The following ZNF600 variants were observed in gnomAD, a reference collection of about 807,000 sequenced individuals.
ZNF600 encodes zinc finger protein 600.
In ZNF600, 4 loss-of-function variants were observed where a neutral mutation model predicts 7.3. The ratio of observed to expected loss-of-function variants is 0.55; its 90% confidence interval spans 0.27 to 1.25. The LOEUF (loss-of-function observed/expected upper bound fraction) is 1.25, where lower values mean the gene tolerates loss of function less well. Among genes scored for constraint, ZNF600 ranks in the 50% most tolerant of loss-of-function variants. ZNF600 has a pLI of 0.12. For missense variants in ZNF600, 911 were observed against 922.1 expected (o/e 0.99, Z 0.16); for synonymous variants, 290 against 308.9 (o/e 0.94, Z 0.64).
chr19:52,775,768 A>G (rs946097512), intron 2 of ZNF600, among the ~76,000 whole-genome samples: 8 of 152,060 alleles, frequency 5.3e-5, no homozygotes, highest in African/African-American at 1.9e-4. Flanking sequence ...CAGTACTTTG[A>G]GAGGTCGAGG....
exon 2 of ZNF600, chr19:52,778,866 T>C: frequency 6.2e-7 from 1 of 1,607,196 alleles, no homozygotes; most frequent in Non-Finnish European, 8.5e-7. Context: ...TTTCCTCTTC[T>C]GAGCTGCTTC....
chr19:52,793,767 CACA>C, the ZNF600 span, among the ~76,000 whole-genome samples: 224 of 1,966 alleles, frequency 0.11, no homozygotes, highest in Admixed American at 0.25. Flanking sequence ...AACTCTGCCA[CACA>C]CACACACACA....
the ZNF600 span, chr19:52,800,332 G>A: frequency 3.1e-5 from 50 of 1,612,288 alleles, no homozygotes; most frequent in Middle Eastern, 1.6e-4. Context: ...GAATCACTCC[G>A]GAAAGCCTTG....
chr19:52,812,026 C>T, the ZNF600 span, among the ~76,000 whole-genome samples: 1 of 48,078 alleles, frequency 2.1e-5, no homozygotes. Context: ...GGGGGGACAG[C>T]CCCCCGCCCG....
chr19:52,777,033 A>G (rs1380150008), intron 2 of ZNF600, among the ~76,000 whole-genome samples: 1 of 152,090 alleles, frequency 6.6e-6, no homozygotes, highest in Non-Finnish European at 1.5e-5. Context: ...GTAAGAAAGC[A>G]TCCTGTACCA....
At chr19:52,811,041 C>T in the ZNF600 span, among the ~76,000 whole-genome samples, 1,293 of 149,258 alleles carry the variant, frequency 8.7e-3, 28 homozygotes, top group African/African-American at 0.03. Context: ...AGGCACGCGC[C>T]GCCACGCCTG....
At chr19:52,772,917 C>T (rs929718207) in intron 3 of ZNF600, among the ~76,000 whole-genome samples, 37 of 152,222 alleles carry the variant, frequency 2.4e-4, no homozygotes, top group African/African-American at 8.9e-4. Flanking sequence ...GGTTCTGAAG[C>T]CATCCCTCAT....
At chr19:52,819,116 GAA>G in the ZNF600 span, among the ~76,000 whole-genome samples, 1 of 139,496 alleles carries the variant, frequency 7.2e-6, no homozygotes, top group Non-Finnish European at 1.5e-5. Flanking sequence ...TTTGATGTTT[GAA>G]AAAAGAGAAA....
At chr19:52,825,213 C>T in the ZNF600 span, among the ~76,000 whole-genome samples, 1 of 152,154 alleles carries the variant, frequency 6.6e-6, no homozygotes, top group African/African-American at 2.4e-5. Flanking sequence ...AGTCAGCACA[C>T]TCACAGGCAG....
intron 3 of ZNF600, among the ~76,000 whole-genome samples, chr19:52,772,717 C>T (rs572973720): frequency 1.5e-4 from 23 of 152,228 alleles, no homozygotes; most frequent in African/African-American, 4.3e-4. Context: ...TTTGCACGTA[C>T]GGTAAGTGAG....
the ZNF600 span, chr19:52,800,176 C>A: frequency 6.2e-7 from 1 of 1,613,452 alleles, no homozygotes; most frequent in Admixed American, 1.7e-5. Flanking sequence ...AAAACTTTCT[C>A]ACATTCTTCA....
chr19:52,794,113 G>A, the ZNF600 span, among the ~76,000 whole-genome samples: 1 of 151,894 alleles, frequency 6.6e-6, no homozygotes, highest in Non-Finnish European at 1.5e-5. Context: ...AGAGCTCAGT[G>A]GAGAGGCCTG....
the ZNF600 span, among the ~76,000 whole-genome samples, chr19:52,824,368 C>T: frequency 6.6e-6 from 1 of 152,090 alleles, no homozygotes. Context: ...GTCGCGGTGG[C>T]TCATGCCTGC....
exon 4 of ZNF600, chr19:52,766,095 T>C: frequency 6.2e-7 from 1 of 1,614,186 alleles, no homozygotes; most frequent in Non-Finnish European, 8.5e-7. Flanking sequence ...ATTACACTTG[T>C]AAGGTTTCTC....
At chr19:52,809,846 T>C in the ZNF600 span, 330 of 491,072 alleles carry the variant, frequency 6.7e-4, no homozygotes, top group Non-Finnish European at 1.0e-3. Context: ...GCGGTGGCGG[T>C]GGTGGCAGTA....
At chr19:52,783,485 C>A (rs1404934167) in intron 1 of ZNF600, among the ~76,000 whole-genome samples, 1 of 152,096 alleles carries the variant, frequency 6.6e-6, no homozygotes, top group Non-Finnish European at 1.5e-5. Flanking sequence ...CCTCAGCCTC[C>A]GGAGCAGCCG....
At chr19:52,812,933 A>G in the ZNF600 span, among the ~76,000 whole-genome samples, 3 of 151,586 alleles carry the variant, frequency 2.0e-5, no homozygotes, top group African/African-American at 7.3e-5. Context: ...TGCTCACTGG[A>G]TAGCAGGTGA....
At chr19:52,801,019 A>G in the ZNF600 span, 3 of 1,614,136 alleles carry the variant, frequency 1.9e-6, no homozygotes, top group Non-Finnish European at 2.5e-6. Context: ...ATCTTGCCAC[A>G]CTCATTACAC....
chr19:52,816,825 C>T, the ZNF600 span, among the ~76,000 whole-genome samples: 4 of 134,158 alleles, frequency 3.0e-5, no homozygotes, highest in African/African-American at 8.2e-5. Flanking sequence ...AGCAAGACTC[C>T]GTTTCAGAAA....
Sources: allele counts gnomAD v4.1 joint callset (sites outside exome capture counted in the v4.1 genomes callset), GRCh38; gene constraint gnomAD v4.1.1; transcripts MANE v1.5; gene names NCBI Gene and HGNC (gene_info 2026-07-23, HGNC 2026-07-21).